The following OGDHL variants were observed in gnomAD, a reference collection of about 807,000 sequenced individuals.
OGDHL encodes the protein 2-oxoglutarate dehydrogenase-like, mitochondrial.
In OGDHL, 79 loss-of-function variants were observed where a neutral mutation model predicts 109.6. The observed-to-expected ratio is 0.72, with a 90% CI of 0.60 to 0.87. The LOEUF (loss-of-function observed/expected upper bound fraction) is 0.87, where lower values mean the gene tolerates loss of function less well. OGDHL is among the 40% of genes least tolerant of loss of function. The probability of loss-of-function intolerance (pLI) is 0.00; values close to 1 mark genes in which losing one functional copy is unlikely to be tolerated. For synonymous variants in OGDHL, 528 were observed against 537.2 expected, an observed-to-expected ratio of 0.98 and a Z score of 0.24; for missense variants, 1,275 against 1,362.2, an observed-to-expected ratio of 0.94 and a Z score of 1.01.
At chr10:49,736,769 G>A (rs776530992) in intron 20 of OGDHL, among the ~76,000 whole-genome samples, 7 of 152,162 alleles carry the variant, frequency 4.6e-5, no homozygotes, top group South Asian at 4.1e-4. Context: ...TAAGGTGACC[G>A]GAGGTGGGGG....
At position 49,746,936 on chromosome 10, in the gene OGDHL, G is replaced by A. The variant is rs115464351; in HGVS notation, c.1168-58C>T. 7.9e-4 allele frequency: 1,274 copies of A among 1,612,244 alleles called. 5 individuals carry two copies. In the African/African-American group the frequency reaches 0.012, roughly 16 times the overall value. The stretch of plus-strand genomic sequence containing the variant: ...GTGCCCCAGCCCATGTAGCCCAGCC[G>A]GCACCTGTACTGTGGAGACCCAGGG... On this transcript the variant is annotated intron_variant, in intron 9 of 22. Coordinates refer to ENST00000374103, the MANE Select transcript of OGDHL (RefSeq NM_018245.3).
At chr10:49,748,508 A>G (rs1318424919) in intron 8 of OGDHL, among the ~76,000 whole-genome samples, 1 of 152,204 alleles carries the variant, frequency 6.6e-6, no homozygotes, top group East Asian at 1.9e-4. Flanking sequence ...TGTTTTCACA[A>G]TGATCAAATT....
chr10:49,735,855 A>T (rs1258190413), intron 22 of OGDHL, among the ~76,000 whole-genome samples, 168 bp downstream of exon 22: 2 of 152,244 alleles, frequency 1.3e-5, no homozygotes, highest in Non-Finnish European at 2.9e-5. Context: ...TCCTTAATAC[A>T]GTTCTGGCTG....
intron 3 of OGDHL, among the ~76,000 whole-genome samples, chr10:49,754,497 CAG>C (rs899993203): frequency 6.6e-6 from 1 of 152,036 alleles, no homozygotes; most frequent in Non-Finnish European, 1.5e-5. Flanking sequence ...TCAGGATAAA[CAG>C]AGTTAACAAA....
Position 49,744,648 on chromosome 10 carries a change from A to T in OGDHL, c.1732+2T>A. The T allele has an allele frequency of 3.1e-6, 5 of 1,613,298 alleles. No homozygotes were observed. Among genetic ancestry groups the T allele is most frequent in the Non-Finnish European group, 4.2e-6 (5 of 1,179,254 alleles). On this transcript the variant is annotated splice_donor_variant, in intron 13 of 22. Coordinates refer to ENST00000374103, the MANE Select transcript of OGDHL (RefSeq NM_018245.3). LOFTEE classifies it high-confidence loss of function. Reference sequence around the variant, plus strand: ...CCTCTGAGCCACACACTGCTCGCTCACCAGGCCAGGGGGAGTCCAACCAGT... The same window carrying T: ...CCTCTGAGCCACACACTGCTCGCTCTCCAGGCCAGGGGGAGTCCAACCAGT...
chr10:49,751,092 G>C (rs1338287166), intron 6 of OGDHL, 107 bp from the exon 7 acceptor site: 1 of 1,087,558 alleles, frequency 9.2e-7, no homozygotes, highest in Non-Finnish European at 1.3e-6. Context: ...GCTGAGGACA[G>C]AGGAAGTCAC....
intron 22 of OGDHL, 142 bp downstream of exon 22, chr10:49,735,881 G>T: frequency 1.1e-6 from 1 of 931,070 alleles, no homozygotes. Flanking sequence ...CAAACACAAA[G>T]CCAGTACTGA....
At position 49,739,796 on chromosome 10, in the gene OGDHL, G is replaced by A. The variant is rs1286192606; in HGVS notation, c.2184C>T (p.Val728=). The change falls in exon 17 of 23, where the codon GTC becomes GTT. Residue 728 remains valine, a synonymous_variant. Transcript: ENST00000374103. ...AGTCCCCAAACTGGGCCTCCCAGAG[G>A]ACCAGGGCATTGGGGCTGGCCATGG... is the stretch of plus-strand genomic sequence containing the variant. ...GYAMASPNAL[V]LWEAQFGDFH... 10 of 1,614,028 alleles carry A rather than the reference G, an allele frequency of 6.2e-6. No homozygotes were observed. The highest frequency in any genetic ancestry group is 1.6e-4 in the Middle Eastern group (1 of 6,082).
chr10:49,751,980 T>C lies in OGDHL; in HGVS notation c.596A>G (p.Asn199Ser), dbSNP rs370602094. ...SLREIIRRLENTYCQHIGLEF... is the reference protein window; with the variant it reads ...SLREIIRRLESTYCQHIGLEF... ...CAGGCCAATGTGCTGGCAGTAGGTG[T>C]TCTGGGGAGACACATTGGGACCCCA... The change falls in exon 6 of 23, where the codon AAC becomes AGC. Residue 199 changes from asparagine to serine, a missense_variant and splice_region_variant. Coordinates refer to ENST00000374103, the MANE Select transcript of OGDHL (RefSeq NM_018245.3). 1 of 1,614,118 alleles carries C rather than the reference T, an allele frequency of 6.2e-7. No homozygotes were observed. The highest frequency in any genetic ancestry group is 8.5e-7 in the Non-Finnish European group (1 of 1,180,034).
At chr10:49,758,276 C>A in intron 2 of OGDHL, 113 bp downstream of exon 2, 1 of 1,095,742 alleles carries the variant, frequency 9.1e-7, no homozygotes, top group East Asian at 2.4e-5. Context: ...GGCAAAGAAA[C>A]CTGCCCAGGA....
At chr10:49,753,888 TAAAAAA>T (rs63200161) in intron 3 of OGDHL, among the ~76,000 whole-genome samples, 5 of 87,264 alleles carry the variant, frequency 5.7e-5, no homozygotes, top group Non-Finnish European at 9.2e-5. Context: ...AAACTCCATC[TAAAAAA>T]AAAAAAAAAA....
chr10:49,737,749 T>C (rs778361693), intron 20 of OGDHL, 37 bp downstream of exon 20: 11 of 1,609,940 alleles, frequency 6.8e-6, no homozygotes, highest in Non-Finnish European at 9.3e-6. Flanking sequence ...CACCGCCCCA[T>C]TGTGGGCTAC....
At chr10:49,748,345 T>C (rs995262058) in intron 8 of OGDHL, among the ~76,000 whole-genome samples, 5 of 152,116 alleles carry the variant, frequency 3.3e-5, no homozygotes, top group African/African-American at 1.2e-4. Context: ...AGAAATAAGG[T>C]TGCACTGGAA....
intron 15 of OGDHL, among the ~76,000 whole-genome samples, chr10:49,741,057 CT>C (rs1388157524): frequency 6.6e-6 from 1 of 152,282 alleles, no homozygotes; most frequent in African/African-American, 2.4e-5. Context: ...AGCCTGCCCC[CT>C]GCCTGCTAGC....
chr10:49,743,565 G>A (rs562449312), intron 14 of OGDHL: 51 of 169,090 alleles, frequency 3.0e-4, no homozygotes, highest in Non-Finnish European at 4.4e-4. Flanking sequence ...GTCTCACCCC[G>A]GAGTGGGGGG....
intron 15 of OGDHL, among the ~76,000 whole-genome samples, chr10:49,742,237 C>T (rs1841767374): frequency 7.2e-6 from 1 of 139,106 alleles, no homozygotes; most frequent in Admixed American, 7.4e-5. Flanking sequence ...CACGCACACA[C>T]CACACATACA....
intron 7 of OGDHL, among the ~76,000 whole-genome samples, chr10:49,750,381 A>T (rs1040596565): frequency 6.6e-5 from 10 of 152,162 alleles, no homozygotes; most frequent in Non-Finnish European, 1.5e-4. Flanking sequence ...ATCTTCATCA[A>T]GGTCAAGGGA....
chr10:49,740,495 C>A (rs1357683190), intron 16 of OGDHL, among the ~76,000 whole-genome samples: 3 of 152,086 alleles, frequency 2.0e-5, no homozygotes, highest in South Asian at 4.1e-4. Flanking sequence ...GAGGTCCCCC[C>A]AACTGGGATC....
Position 49,735,390 on chromosome 10 carries a change from T to C in OGDHL, c.2910-39A>G, listed in dbSNP as rs1841079363. 4 of 1,600,126 alleles carry C rather than the reference T, an allele frequency of 2.5e-6. No individual in the cohort carries two copies. In the East Asian group the frequency reaches 6.7e-5, roughly 27 times the overall value. On this transcript the variant is annotated intron_variant, in intron 22 of 22. Transcript: ENST00000374103. ...GACAAGCTAAGGGGAAGGCGGGGCCTAGCCGCCCCCCAACCGCTGCCCTCA... is the reference window on the plus strand; with the variant it reads ...GACAAGCTAAGGGGAAGGCGGGGCCCAGCCGCCCCCCAACCGCTGCCCTCA...
Sources: allele counts gnomAD v4.1 joint callset (sites outside exome capture counted in the v4.1 genomes callset), GRCh38; gene constraint gnomAD v4.1.1; transcripts MANE v1.5; gene names NCBI Gene and HGNC (gene_info 2026-07-23, HGNC 2026-07-21).